The following PTPRD variants were observed in gnomAD, a reference collection of about 807,000 sequenced individuals.
The protein encoded by PTPRD is receptor-type tyrosine-protein phosphatase delta.
In PTPRD, 34 loss-of-function variants were observed where a neutral mutation model predicts 214.5. The ratio of observed to expected loss-of-function variants is 0.16; its 90% CI spans 0.12 to 0.21. PTPRD has a LOEUF of 0.21. Among genes scored for constraint, PTPRD ranks in the 10% least tolerant of loss-of-function variants. The pLI, the probability that PTPRD is intolerant of heterozygous loss-of-function variation, is 1.00. For synonymous variants in PTPRD, 1,128 were observed against 845.7 expected (o/e 1.33, Z -5.79); for missense variants, 2,545 against 2,398.7 (o/e 1.06, Z -1.27).
intron 5 of PTPRD, among the ~76,000 whole-genome samples, chr9:9,857,578 A>G (rs2061797801): frequency 6.6e-6 from 1 of 151,882 alleles, no homozygotes; most frequent in Non-Finnish European, 1.5e-5. Flanking sequence ...ATAAATAAAT[A>G]AAATCATGGA....
chr9:10,426,355 CG>C (rs1392336773), intron 2 of PTPRD, among the ~76,000 whole-genome samples: 4 of 151,726 alleles, frequency 2.6e-5, no homozygotes, highest in Non-Finnish European at 2.9e-5. Context: ...CTTTTTCTAT[CG>C]GTTACTTTGC....
chr9:8,508,118 A>T (rs1352586254), intron 21 of PTPRD, among the ~76,000 whole-genome samples: 1 of 152,230 alleles, frequency 6.6e-6, no homozygotes, highest in Non-Finnish European at 1.5e-5. Flanking sequence ...CCACAAAGCT[A>T]AACTACTACA....
chr9:9,767,496 C>G (rs724331), intron 5 of PTPRD, among the ~76,000 whole-genome samples: 1 of 151,978 alleles, frequency 6.6e-6, no homozygotes, highest in South Asian at 2.1e-4. Flanking sequence ...GCTTATTATT[C>G]TATCAGATGC....
At chr9:10,085,960 A>G (rs1207030550) in intron 3 of PTPRD, among the ~76,000 whole-genome samples, 1 of 151,840 alleles carries the variant, frequency 6.6e-6, no homozygotes, top group African/African-American at 2.4e-5. Context: ...AGATAAAAAC[A>G]ACATAAAATC....
At chr9:8,785,098 A>T (rs1220458035) in intron 11 of PTPRD, among the ~76,000 whole-genome samples, 1 of 152,210 alleles carries the variant, frequency 6.6e-6, no homozygotes, top group Non-Finnish European at 1.5e-5. Context: ...GAAGCTGTTC[A>T]ATAGAAACAA....
At chr9:9,184,509 G>C (rs1213797724) in intron 9 of PTPRD, among the ~76,000 whole-genome samples, 1 of 151,982 alleles carries the variant, frequency 6.6e-6, no homozygotes, top group Non-Finnish European at 1.5e-5. Flanking sequence ...CACTAATAAG[G>C]TCTATTCACA....
At chr9:10,232,001 T>A (rs1388380962) in intron 3 of PTPRD, among the ~76,000 whole-genome samples, 3 of 148,618 alleles carry the variant, frequency 2.0e-5, no homozygotes, top group Admixed American at 6.7e-5. Flanking sequence ...TGTGTGTGTG[T>A]GTGTGTGTGT....
chr9:10,459,432 G>A (rs1220474366), intron 2 of PTPRD, among the ~76,000 whole-genome samples: 2 of 151,956 alleles, frequency 1.3e-5, no homozygotes, highest in East Asian at 3.9e-4. Context: ...GGGATTGCTG[G>A]GTCAAATGGT....
intron 34 of PTPRD, among the ~76,000 whole-genome samples, chr9:8,446,220 T>A (rs1448992763): frequency 6.6e-6 from 1 of 152,230 alleles, no homozygotes; most frequent in African/African-American, 2.4e-5. Context: ...GGTACAGTTC[T>A]TTGACGTACT....
chr9:8,692,645 G>A (rs1381808959), intron 12 of PTPRD, among the ~76,000 whole-genome samples: 3 of 152,184 alleles, frequency 2.0e-5, no homozygotes. Flanking sequence ...AAGCTGTCAT[G>A]AAAATCAAGT....
intron 11 of PTPRD, among the ~76,000 whole-genome samples, chr9:8,958,099 C>T (rs558683772): frequency 1.3e-5 from 2 of 151,788 alleles, no homozygotes; most frequent in Non-Finnish European, 2.9e-5. Flanking sequence ...ATTCCAGCAC[C>T]CTGAGAGACC....
chr9:9,816,413 A>G (rs1043823133), intron 5 of PTPRD, among the ~76,000 whole-genome samples: 4 of 152,096 alleles, frequency 2.6e-5, no homozygotes, highest in African/African-American at 9.7e-5. Flanking sequence ...TTCCACACAA[A>G]TAAGCTATCT....
chr9:9,692,922 A>C (rs960711437), intron 7 of PTPRD, among the ~76,000 whole-genome samples: 1 of 151,728 alleles, frequency 6.6e-6, no homozygotes, highest in Non-Finnish European at 1.5e-5. Flanking sequence ...TCTTTTTCAT[A>C]TTGTTCACTG....
chr9:8,363,201 C>T (rs7856968), intron 39 of PTPRD, among the ~76,000 whole-genome samples: 6,309 of 152,212 alleles, frequency 0.041, 427 homozygotes, highest in African/African-American at 0.14. Flanking sequence ...ATCTTATATA[C>T]ATTTATCTTC....
chr9:8,662,081 T>A (rs939387756), intron 12 of PTPRD, among the ~76,000 whole-genome samples: 3 of 152,022 alleles, frequency 2.0e-5, no homozygotes, highest in Non-Finnish European at 4.4e-5. Context: ...CAGAGCCAAC[T>A]TTTTTTTGTT....
At chr9:9,793,884 G>T (rs576322639) in intron 5 of PTPRD, among the ~76,000 whole-genome samples, 4 of 151,912 alleles carry the variant, frequency 2.6e-5, no homozygotes, top group Non-Finnish European at 4.4e-5. Flanking sequence ...ACTTTTAGTT[G>T]TATGGTACTG....
intron 2 of PTPRD, among the ~76,000 whole-genome samples, chr9:10,371,131 C>T (rs1215349840): frequency 1.3e-5 from 2 of 151,748 alleles, no homozygotes; most frequent in Admixed American, 6.6e-5. Flanking sequence ...TATTATATAT[C>T]TCCATTTTTC....
chr9:9,975,483 G>C (rs185847406), intron 4 of PTPRD, among the ~76,000 whole-genome samples: 58 of 152,320 alleles, frequency 3.8e-4, no homozygotes, highest in African/African-American at 1.4e-3. Context: ...GAGCCACTCT[G>C]AGTGAGGACC....
At chr9:9,640,781 G>A (rs2095914882) in intron 7 of PTPRD, among the ~76,000 whole-genome samples, 2 of 152,170 alleles carry the variant, frequency 1.3e-5, no homozygotes. Context: ...GAAGGGAGAA[G>A]AGAATCTTAA....
Sources: gnomAD v4.1 joint callset for allele counts (sites outside exome capture counted in the v4.1 genomes callset) on GRCh38, gnomAD v4.1.1 for gene constraint, MANE v1.5 for transcripts, NCBI Gene and HGNC (gene_info 2026-07-23, HGNC 2026-07-21) for gene names.